SH3BP5: variants seen among roughly 807,000 people sequenced by gnomAD.
SH3BP5 encodes SH3 domain-binding protein 5.
Under a neutral mutation model 43.3 loss-of-function variants are expected in SH3BP5, and 22 were observed. That is an observed-to-expected ratio of 0.51 (90% CI 0.36 to 0.73). The LOEUF (loss-of-function observed/expected upper bound fraction) is 0.73. Among genes scored for constraint, SH3BP5 ranks in the 30% least tolerant of loss-of-function variants. The probability of loss-of-function intolerance (pLI) is 0.00; values close to 1 mark genes in which losing one functional copy is unlikely to be tolerated. For missense variants in SH3BP5, 529 were observed against 586.9 expected (o/e 0.90, Z 1.02); for synonymous variants, 255 against 225.8 (o/e 1.13, Z -1.16).
chr3:15,329,121 G>A (rs994484293), intron 2 of SH3BP5, among the ~76,000 whole-genome samples: 1 of 151,508 alleles, frequency 6.6e-6, no homozygotes, highest in Non-Finnish European at 1.5e-5. Flanking sequence ...CTGCACCCCA[G>A]CCTGGGCGAC....
At chr3:15,273,097 C>T (rs1484297248) in intron 3 of SH3BP5, 6 of 979,894 alleles carry the variant, frequency 6.1e-6, no homozygotes, top group Non-Finnish European at 7.3e-6. Flanking sequence ...ACCCCCTACC[C>T]ATAGGTGGCC....
chr3:15,315,808 A>G (rs1043594568), intron 2 of SH3BP5, among the ~76,000 whole-genome samples: 4 of 152,218 alleles, frequency 2.6e-5, no homozygotes, highest in Non-Finnish European at 5.9e-5. Flanking sequence ...GTTAGGGCAA[A>G]AGGCTCTTTA....
chr3:15,321,069 G>A (rs1419500934), intron 2 of SH3BP5, among the ~76,000 whole-genome samples: 1 of 152,146 alleles, frequency 6.6e-6, no homozygotes, highest in Non-Finnish European at 1.5e-5. Context: ...CTAGCCAATG[G>A]CCAGAACATG....
chr3:15,272,839 C>A (rs1259867453), intron 3 of SH3BP5, among the ~76,000 whole-genome samples: 1 of 152,196 alleles, frequency 6.6e-6, no homozygotes, highest in Non-Finnish European at 1.5e-5. Flanking sequence ...TGTGGACTCA[C>A]CATGTGGCCC....
At chr3:15,281,407 A>T (rs1018013854) in intron 3 of SH3BP5, among the ~76,000 whole-genome samples, 40 of 152,246 alleles carry the variant, frequency 2.6e-4, no homozygotes, top group Admixed American at 7.2e-4. Context: ...GGCACCAACA[A>T]TAACCATTAT....
intron 2 of SH3BP5, among the ~76,000 whole-genome samples, chr3:15,320,863 TAC>T (rs1698309268): frequency 6.6e-6 from 1 of 152,162 alleles, no homozygotes; most frequent in African/African-American, 2.4e-5. Flanking sequence ...CAGCTGGGGA[TAC>T]AGTCACATGA....
At chr3:15,283,893 C>A (rs537472521) in intron 3 of SH3BP5, among the ~76,000 whole-genome samples, 1 of 152,268 alleles carries the variant, frequency 6.6e-6, no homozygotes, top group South Asian at 2.1e-4. Flanking sequence ...AGGTGTGAAG[C>A]CACAGAGTCC....
intron 2 of SH3BP5, among the ~76,000 whole-genome samples, chr3:15,318,972 C>T (rs1698253128): frequency 6.6e-6 from 1 of 152,114 alleles, no homozygotes; most frequent in South Asian, 2.1e-4. Context: ...AAATGCAATA[C>T]CGGGACTCTC....
Position 15,259,511 on chromosome 3 carries a change from G to T in SH3BP5, c.669+250C>A, listed in dbSNP as rs1696352669. The T allele has an allele frequency of 2.0e-5, 12 of 591,100 alleles. No homozygotes were observed. In the South Asian group the frequency reaches 2.3e-4, roughly 12 times the overall value. 36.6% of individuals were successfully genotyped at this position (591,100 alleles called of 1,614,324 possible). A position where few individuals can be genotyped will look rare whatever the true frequency, so the allele number is the denominator to read the frequency against. On this transcript the variant is annotated intron_variant, in intron 6 of 8. Coordinates refer to ENST00000383791, the MANE Select transcript of SH3BP5 (RefSeq NM_004844.5). ...GTCTCCAGGTGATGCTGATGCTGCT[G>T]GTCCTAAGAGCATGCTGTGAGAACC...
At chr3:15,275,992 C>G (rs1280573603) in intron 3 of SH3BP5, 2 of 124,108 alleles carry the variant, frequency 1.6e-5, no homozygotes, top group Admixed American at 1.9e-4. Context: ...TGCACTCCAG[C>G]CTGGGCAACA....
chr3:15,263,148 CAAAAA>C (rs887690002), intron 4 of SH3BP5, among the ~76,000 whole-genome samples: 2 of 152,106 alleles, frequency 1.3e-5, no homozygotes, highest in Non-Finnish European at 2.9e-5. Context: ...AATGGAAAAA[CAAAAA>C]CCAGAAAATT....
chr3:15,299,472 T>C (rs1697668250), intron 3 of SH3BP5, among the ~76,000 whole-genome samples: 1 of 143,958 alleles, frequency 6.9e-6, no homozygotes, highest in African/African-American at 2.5e-5. Flanking sequence ...TTCCACCAGC[T>C]CAACAATTAG....
chr3:15,257,834 T>C (rs1176700415), intron 7 of SH3BP5, among the ~76,000 whole-genome samples: 8 of 152,054 alleles, frequency 5.3e-5, no homozygotes, highest in Admixed American at 5.2e-4. Context: ...CCTACTCCAT[T>C]TTTCCCCCCC....
At chr3:15,335,326 C>T (rs113381989), upstream of SH3BP5, among the ~76,000 whole-genome samples, 13 of 151,978 alleles carry the variant, frequency 8.6e-5, no homozygotes, top group Admixed American at 2.0e-4. Context: ...TGCAGTGAAC[C>T]GAGATGATAC....
At chr3:15,294,327 G>GTA (rs1340978722) in intron 3 of SH3BP5, among the ~76,000 whole-genome samples, 1 of 140,072 alleles carries the variant, frequency 7.1e-6, no homozygotes, top group South Asian at 2.2e-4. Context: ...GTGTGTGTGT[G>GTA]TGTGCGCGCG....
rs531502374 is a variant in SH3BP5 at position 15,282,956 on chromosome 3, G to A, written c.331-13079C>T. ...TTGTAAAGAAATATTTTTTGAAGGC[G>A]TTGGTTCATCAGTTATCACTTTTGT... On this transcript the variant is annotated intron_variant, in intron 3 of 8. Transcript: ENST00000383791. 2.0e-5 allele frequency among the ~76,000 whole-genome samples: 3 copies of A among 152,204 alleles called. No individual in the cohort carries two copies. The South Asian group carries it at 6.2e-4, about 32-fold the overall frequency.
chr3:15,321,832 A>G (rs1398739633), intron 2 of SH3BP5, among the ~76,000 whole-genome samples: 1 of 152,086 alleles, frequency 6.6e-6, no homozygotes, highest in Admixed American at 6.5e-5. Flanking sequence ...AAAAAAATCT[A>G]AAGTCTTACT....
intron 2 of SH3BP5, among the ~76,000 whole-genome samples, chr3:15,316,218 G>GTTT (rs1698180389): frequency 9.4e-6 from 1 of 106,278 alleles, no homozygotes; most frequent in Non-Finnish European, 1.9e-5. Flanking sequence ...GAAAAGACTC[G>GTTT]CTTTTTTTTT....
At chr3:15,290,207 A>G (rs962178267) in intron 3 of SH3BP5, among the ~76,000 whole-genome samples, 2 of 151,988 alleles carry the variant, frequency 1.3e-5, no homozygotes, top group African/African-American at 4.8e-5. Context: ...AGCCTGGCCA[A>G]CATGACAAAA....
Sources: allele counts gnomAD v4.1 joint callset (sites outside exome capture counted in the v4.1 genomes callset), GRCh38; gene constraint gnomAD v4.1.1; transcripts MANE v1.5; gene names NCBI Gene and HGNC (gene_info 2026-07-23, HGNC 2026-07-21).